The following TRDN variants were observed in gnomAD, a reference collection of about 807,000 sequenced individuals.
TRDN encodes the protein triadin in skeletal muscle.
In TRDN, 161 loss-of-function variants were observed where a neutral mutation model predicts 149.7. The ratio of observed to expected loss-of-function variants is 1.08; its 90% CI spans 0.95 to 1.23. The LOEUF (loss-of-function observed/expected upper bound fraction) is 1.23, where lower values mean the gene tolerates loss of function less well. Ranked by LOEUF, TRDN falls within the 50% of genes most tolerant of loss-of-function variation. The pLI, the probability that TRDN is intolerant of heterozygous loss-of-function variation, is 0.00. For synonymous variants in TRDN, 294 were observed against 250.5 expected (o/e 1.17, Z -1.64); for missense variants, 896 against 823.5 (o/e 1.09, Z -1.08).
intron 2 of TRDN, among the ~76,000 whole-genome samples, chr6:123,558,388 G>A (rs142439755): frequency 0.022 from 3,395 of 152,046 alleles, 48 homozygotes; most frequent in African/African-American, 0.033. Flanking sequence ...CACCCGGTCC[G>A]GCTTACAGTT....
chr6:123,575,810 T>C (rs1326196239), intron 1 of TRDN, among the ~76,000 whole-genome samples: 1 of 152,098 alleles, frequency 6.6e-6, no homozygotes, highest in Non-Finnish European at 1.5e-5. Flanking sequence ...CTTAACCTCA[T>C]GATGCCTTAT....
Position 123,561,880 on chromosome 6 carries a change from C to T in TRDN, c.232+9043G>A, listed in dbSNP as rs541581735. 4.9e-4 allele frequency among the ~76,000 whole-genome samples: 74 copies of T among 152,118 alleles called. 1 individual carries two copies. The South Asian group carries it at 6.3e-3, about 13-fold the overall frequency. ...TCCATACCACCCCCCAAAAAATTTT[C>T]GTCGCCCCAACACTTTACCACTATG... On this transcript the variant is annotated intron_variant, in intron 2 of 40. Coordinates refer to ENST00000334268, the MANE Select transcript of TRDN (RefSeq NM_006073.4).
intron 7 of TRDN, among the ~76,000 whole-genome samples, chr6:123,511,266 A>T (rs557405529): frequency 6.6e-6 from 1 of 152,280 alleles, no homozygotes; most frequent in South Asian, 2.1e-4. Flanking sequence ...GGTGCTCAGT[A>T]GCAAAATAGA....
intron 23 of TRDN, among the ~76,000 whole-genome samples, chr6:123,330,962 G>C (rs1256041581): frequency 6.6e-6 from 1 of 151,944 alleles, no homozygotes; most frequent in African/African-American, 2.4e-5. Flanking sequence ...GTACAGCTAA[G>C]TCCCTCTACT....
intron 12 of TRDN, among the ~76,000 whole-genome samples, chr6:123,430,796 C>A (rs62419023): frequency 0.12 from 17,619 of 152,030 alleles, 1,445 homozygotes; most frequent in South Asian, 0.3. Context: ...TTTTAAAATG[C>A]CCATGTCCTT....
intron 2 of TRDN, among the ~76,000 whole-genome samples, chr6:123,553,446 G>A (rs1052338819): frequency 1.3e-5 from 2 of 152,098 alleles, no homozygotes; most frequent in African/African-American, 4.8e-5. Context: ...AGGGGTCCCA[G>A]GAATCTTCTG....
At position 123,425,309 on chromosome 6, in the gene TRDN, C is replaced by T. The variant is rs369833050; in HGVS notation, c.1051+12754G>A. 1.1e-3 allele frequency among the ~76,000 whole-genome samples: 149 copies of T among 137,220 alleles called. 1 individual carries two copies. The South Asian group carries it at 0.025, about 23-fold the overall frequency. 90.0% of individuals were successfully genotyped at this position (137,220 alleles called of 152,430 possible). On this transcript the variant is annotated intron_variant, in intron 12 of 40. Coordinates refer to ENST00000334268, the MANE Select transcript of TRDN (RefSeq NM_006073.4). ...TAGATGAGGGGTGTTGTTGTTTGTTCAAAAAAACATATTAACTTCAAGAAG... is the reference window on the plus strand; with the variant it reads ...TAGATGAGGGGTGTTGTTGTTTGTTTAAAAAAACATATTAACTTCAAGAAG...
intron 26 of TRDN, among the ~76,000 whole-genome samples, chr6:123,276,084 A>T (rs2114621709): frequency 6.6e-6 from 1 of 152,164 alleles, no homozygotes; most frequent in Non-Finnish European, 1.5e-5. Context: ...CCTCTTTTAT[A>T]ATGGCCTTGT....
intron 20 of TRDN, among the ~76,000 whole-genome samples, chr6:123,362,581 C>A (rs1780944697): frequency 6.6e-6 from 1 of 151,996 alleles, no homozygotes; most frequent in Admixed American, 6.6e-5. Context: ...ATAGCAAAAC[C>A]CCATCTCTTA....
intron 4 of TRDN, among the ~76,000 whole-genome samples, chr6:123,541,610 T>G (rs1452694241): frequency 6.6e-6 from 1 of 152,146 alleles, no homozygotes; most frequent in Admixed American, 6.6e-5. Flanking sequence ...AAGCTCCTCA[T>G]GCAGCCTGAG....
intron 1 of TRDN, among the ~76,000 whole-genome samples, chr6:123,584,548 G>A (rs1382857635): frequency 6.6e-6 from 1 of 152,058 alleles, no homozygotes; most frequent in Non-Finnish European, 1.5e-5. Flanking sequence ...AGATTAATCG[G>A]ACACGATCAG....
intron 38 of TRDN, 114 bp from the exon 39 acceptor site, chr6:123,224,245 A>G (rs1316875747): frequency 6.4e-6 from 6 of 931,838 alleles, no homozygotes; most frequent in Non-Finnish European, 1.0e-5. Flanking sequence ...CTACAAACTC[A>G]GCATCTACAG....
At chr6:123,326,544 C>A (rs376242919) in intron 23 of TRDN, among the ~76,000 whole-genome samples, 58 of 134,676 alleles carry the variant, frequency 4.3e-4, no homozygotes, top group African/African-American at 1.6e-3. Context: ...CTTAAAGTCA[C>A]CCAAATTTTC....
At chr6:123,364,580 G>A (rs544886526) in intron 20 of TRDN, among the ~76,000 whole-genome samples, 5 of 152,226 alleles carry the variant, frequency 3.3e-5, no homozygotes, top group Admixed American at 6.5e-5. Flanking sequence ...CCTGGGAGGC[G>A]GAGGTTGCAG....
intron 22 of TRDN, among the ~76,000 whole-genome samples, chr6:123,337,046 A>G (rs1779898662): frequency 6.6e-6 from 1 of 151,998 alleles, no homozygotes; most frequent in African/African-American, 2.4e-5. Flanking sequence ...CATTCAGGAG[A>G]TGGAAGTTAC....
At chr6:123,280,637 C>T (rs1303711860) in intron 24 of TRDN, among the ~76,000 whole-genome samples, 3 of 143,004 alleles carry the variant, frequency 2.1e-5, no homozygotes, top group Admixed American at 7.7e-5. Context: ...TCTTTTTGTT[C>T]CTCTTCTTTT....
chr6:123,269,870 T>A lies in TRDN; in HGVS notation c.1721-4A>T, dbSNP rs60743141. 4.2e-5 allele frequency: 68 copies of A among 1,610,224 alleles called. No individual in the cohort carries two copies. Among genetic ancestry groups the A allele is most frequent in the Non-Finnish European group, 5.7e-5 (67 of 1,177,936 alleles). On this transcript the variant is annotated splice_region_variant and splice_polypyrimidine_tract_variant and intron_variant, in intron 30 of 40. Coordinates refer to ENST00000334268, the MANE Select transcript of TRDN (RefSeq NM_006073.4). ...TTACTTGTTGGTTTGGGCTTGGCTG[T>A]GGAGAATGGAGGCAAGCACATGGCA... is the stretch of plus-strand genomic sequence containing the variant.
intron 7 of TRDN, among the ~76,000 whole-genome samples, chr6:123,512,081 C>A (rs1779211397): frequency 2.0e-5 from 3 of 150,710 alleles, no homozygotes; most frequent in Admixed American, 6.6e-5. Context: ...ATTCTGTCTA[C>A]CACATATGAT....
At position 123,438,995 on chromosome 6, in the gene TRDN, C is replaced by T. The variant is rs1333501925; in HGVS notation, c.940G>A (p.Gly314Arg). The stretch of plus-strand genomic sequence containing the variant: ...TTCTTCTCAGCCTTCTTCTTTTCCC[C>T]TTCTTTTTCTAGAGAATACATTTAA... ...PASPALEEKEGEKKKAEKKVT... is the reference protein window; with the variant it reads ...PASPALEEKEREKKKAEKKVT... Residue 314 changes from glycine to arginine, a missense_variant, in exon 11 of 41, where the codon GGG (glycine) becomes AGG (arginine). Coordinates refer to ENST00000334268, the MANE Select transcript of TRDN (RefSeq NM_006073.4). 6.4e-7 allele frequency: 1 copy of T among 1,554,782 alleles called. No homozygotes were observed. The highest frequency in any genetic ancestry group is 1.4e-5 in the African/African-American group (1 of 73,302).
Sources: allele counts gnomAD v4.1 joint callset (sites outside exome capture counted in the v4.1 genomes callset), GRCh38; gene constraint gnomAD v4.1.1; transcripts MANE v1.5; gene names NCBI Gene and HGNC (gene_info 2026-07-23, HGNC 2026-07-21).